HNRNPM: variants seen among roughly 807,000 people sequenced by gnomAD.
HNRNPM encodes the protein heterogeneous nuclear ribonucleoprotein M.
In HNRNPM, 11 loss-of-function variants were observed where a neutral mutation model predicts 73.1. The ratio of observed to expected loss-of-function variants is 0.15; its 90% confidence interval spans 0.09 to 0.25. The LOEUF (loss-of-function observed/expected upper bound fraction) is 0.25. Among genes scored for constraint, HNRNPM ranks in the 10% least tolerant of loss-of-function variants. The probability of loss-of-function intolerance (pLI) is 1.00; values close to 1 mark genes in which losing one functional copy is unlikely to be tolerated. For missense variants in HNRNPM, 789 were observed against 1,067.9 expected, an observed-to-expected ratio of 0.74 and a Z score of 3.64; for synonymous variants, 407 against 355.2, an observed-to-expected ratio of 1.15 and a Z score of -1.64.
chr19:8,473,790 C>A, intron 11 of HNRNPM, 82 bp downstream of exon 11: 1 of 900,820 alleles, frequency 1.1e-6, no homozygotes, highest in South Asian at 1.5e-5. Flanking sequence ...CTTGTTTAAA[C>A]CCTGCATGAA....
intron 12 of HNRNPM, among the ~76,000 whole-genome samples, chr19:8,477,790 C>G (rs76115160): frequency 7.2e-5 from 11 of 151,994 alleles, no homozygotes; most frequent in Admixed American, 5.9e-4. Flanking sequence ...TGCAGACATA[C>G]GTCTCGCCAT....
chr19:8,452,214 T>C (rs1350566992), intron 1 of HNRNPM, among the ~76,000 whole-genome samples: 2 of 152,238 alleles, frequency 1.3e-5, no homozygotes, highest in Non-Finnish European at 1.5e-5. Flanking sequence ...TATTTATTTA[T>C]ACATTTCGTA....
chr19:8,472,126 A>G (rs1024542700), intron 10 of HNRNPM, among the ~76,000 whole-genome samples: 1 of 150,544 alleles, frequency 6.6e-6, no homozygotes, highest in Non-Finnish European at 1.5e-5. Context: ...AGCTGAGATC[A>G]CATGACTGCA....
intron 2 of HNRNPM, 93 bp downstream of exon 2, chr19:8,455,667 C>T: frequency 1.0e-6 from 1 of 966,922 alleles, no homozygotes; most frequent in Non-Finnish European, 1.6e-6. Context: ...GTGGAAGCGG[C>T]TCTGGGTAGA....
At chr19:8,482,498 G>C (rs376229955) in intron 12 of HNRNPM, 1 of 152,234 alleles carries the variant, frequency 6.6e-6, no homozygotes, top group African/African-American at 2.4e-5. Flanking sequence ...GATACTTGGT[G>C]GGGGGTGCAA....
chr19:8,471,616 T>A lies in HNRNPM; in HGVS notation c.997+189T>A, dbSNP rs183162968. On this transcript the variant is annotated intron_variant, in intron 10 of 15. Coordinates refer to ENST00000325495, the MANE Select transcript of HNRNPM (RefSeq NM_005968.5). ...ATTTTTATCAAGTTGAGTCATTTTT[T>A]AAAAAGTCATTATGCTTTTTCATTG... is the stretch of plus-strand genomic sequence containing the variant. Among the ~76,000 whole-genome samples, 33 of 152,360 alleles carry A rather than the reference T, an allele frequency of 2.2e-4. No homozygotes were observed. The East Asian group carries it at 6.4e-3, about 29-fold the overall frequency.
At chr19:8,466,121 A>G in intron 6 of HNRNPM, 114 bp from the exon 7 acceptor site, 1 of 1,039,600 alleles carries the variant, frequency 9.6e-7, no homozygotes, top group Non-Finnish European at 1.4e-6. Context: ...AGTTTTTGTG[A>G]CATTATTTCC....
At chr19:8,454,219 A>AT (rs113773795) in intron 1 of HNRNPM, among the ~76,000 whole-genome samples, 22 of 152,344 alleles carry the variant, frequency 1.4e-4, no homozygotes, top group African/African-American at 4.3e-4. Flanking sequence ...TATGCTCAGT[A>AT]TTTAATAACT....
rs1017012201 is a variant in HNRNPM at position 8,447,641 on chromosome 19, T to C, written c.113+2530T>C. Among the ~76,000 whole-genome samples the C allele has an allele frequency of 3.3e-5, 5 of 152,038 alleles. No individual in the cohort carries two copies. The South Asian group carries it at 6.2e-4, about 19-fold the overall frequency. On this transcript the variant is annotated intron_variant, in intron 1 of 15. Transcript: ENST00000325495. ...GGCTCACACCTGTAATCCCAGCACTTTGGGAGGCTGAGGTGAGAGGACTAT... is the reference window on the plus strand; with the variant it reads ...GGCTCACACCTGTAATCCCAGCACTCTGGGAGGCTGAGGTGAGAGGACTAT...
At chr19:8,464,064 G>T (rs531961969) in intron 5 of HNRNPM, among the ~76,000 whole-genome samples, 21 of 151,820 alleles carry the variant, frequency 1.4e-4, no homozygotes, top group Non-Finnish European at 2.4e-4. Context: ...GGGCAACATG[G>T]TGAAACCCCC....
intron 14 of HNRNPM, among the ~76,000 whole-genome samples, chr19:8,486,685 C>T (rs1010965163): frequency 2.0e-5 from 3 of 152,156 alleles, no homozygotes; most frequent in African/African-American, 7.2e-5. Context: ...ATGTGTTGCA[C>T]GATGGTCCAG....
chr19:8,486,484 A>G, intron 14 of HNRNPM, 79 bp downstream of exon 14: 3 of 1,293,794 alleles, frequency 2.3e-6, no homozygotes, highest in Non-Finnish European at 3.2e-6. Flanking sequence ...GGATGAAGTC[A>G]GAGGTGGCGC....
At chr19:8,458,713 T>A (rs1016875746) in intron 2 of HNRNPM, among the ~76,000 whole-genome samples, 4 of 152,254 alleles carry the variant, frequency 2.6e-5, no homozygotes, top group African/African-American at 9.6e-5. Context: ...ACTTAATCCT[T>A]CTGTTAGTAT....
At chr19:8,447,822 A>C (rs372555498) in intron 1 of HNRNPM, among the ~76,000 whole-genome samples, 19 of 152,108 alleles carry the variant, frequency 1.2e-4, no homozygotes, top group Non-Finnish European at 2.4e-4. Flanking sequence ...GTCAGGAGAT[A>C]GAGACCATCC....
chr19:8,473,304 G>T (rs1970282735), intron 10 of HNRNPM, among the ~76,000 whole-genome samples: 1 of 151,890 alleles, frequency 6.6e-6, no homozygotes. Flanking sequence ...AGATCCCTCA[G>T]AAAAAGATTA....
At chr19:8,457,344 G>A (rs1009672035) in intron 2 of HNRNPM, among the ~76,000 whole-genome samples, 2 of 152,276 alleles carry the variant, frequency 1.3e-5, no homozygotes, top group Non-Finnish European at 1.5e-5. Flanking sequence ...TCACTATTTT[G>A]CACTCTTAAG....
At position 8,462,640 on chromosome 19, in the gene HNRNPM, G is replaced by C. The variant is rs1969477350; in HGVS notation, c.336+59G>C. On this transcript the variant is annotated intron_variant, in intron 3 of 15. Transcript: ENST00000325495. The surrounding 1 kb of genome is among the most constrained non-coding windows in gnomAD (Gnocchi z 4.5). ...ACTACATGAAAAATGTAACTGTATG[G>C]TGGCGTGGAATCGAATGAAATCAGG... 7.4e-7 allele frequency: 1 copy of C among 1,358,062 alleles called. No individual in the cohort carries two copies. Among genetic ancestry groups the C allele is most frequent in the Non-Finnish European group, 1.1e-6 (1 of 946,280 alleles). The allele number at this position is 1,358,062 out of a possible 1,614,324, so 84.1% of individuals were successfully genotyped here. A position where few individuals can be genotyped will look rare whatever the true frequency, so the allele number is the denominator to read the frequency against.
chr19:8,472,740 AC>A (rs1970238328), intron 10 of HNRNPM, among the ~76,000 whole-genome samples: 1 of 152,004 alleles, frequency 6.6e-6, no homozygotes, highest in Non-Finnish European at 1.5e-5. Flanking sequence ...GTGCCACCAC[AC>A]CCAGCTAATT....
chr19:8,482,937 C>T (rs1971023090), intron 12 of HNRNPM: 3 of 530,474 alleles, frequency 5.7e-6, no homozygotes, highest in Non-Finnish European at 9.9e-6. Context: ...CGCTGGGCCT[C>T]AGACTCTGGA....
Sources: gnomAD v4.1 joint callset for allele counts (sites outside exome capture counted in the v4.1 genomes callset) on GRCh38, gnomAD v4.1.1 for gene constraint, Gnocchi (gnomAD v3.1) non-coding constraint, MANE v1.5 for transcripts, NCBI Gene and HGNC (gene_info 2026-07-23, HGNC 2026-07-21) for gene names.